Variants in CABP1 observed in about 807,000 individuals in gnomAD.
CABP1 encodes the protein calcium-binding protein 1.
CABP1 carries 17 observed loss-of-function variants against 34.3 expected under a neutral mutation model. That is an observed-to-expected ratio of 0.50 (90% CI 0.34 to 0.74). CABP1 has a LOEUF of 0.74. Among genes scored for constraint, CABP1 ranks in the 30% least tolerant of loss-of-function variants. CABP1 has a pLI of 0.01. For synonymous variants in CABP1, 198 were observed against 229.2 expected, an observed-to-expected ratio of 0.86 and a Z score of 1.23; for missense variants, 373 against 511.1, an observed-to-expected ratio of 0.73 and a Z score of 2.61.
chr12:120,666,870 T>C lies in CABP1; in HGVS notation c.1088-5T>C, dbSNP rs772893852. The C allele has an allele frequency of 3.6e-5, 58 of 1,605,748 alleles. No individual in the cohort carries two copies. Among genetic ancestry groups the C allele is most frequent in the Non-Finnish European group, 4.6e-5 (54 of 1,178,528 alleles). ...TGCTCCCCAGCTGCTCCTCTACCCTTCTAGAGTTTGTCCGGATGATGTCCC... is the reference window on the plus strand; with the variant it reads ...TGCTCCCCAGCTGCTCCTCTACCCTCCTAGAGTTTGTCCGGATGATGTCCC... On this transcript the variant is annotated splice_region_variant and splice_polypyrimidine_tract_variant and intron_variant, in intron 5 of 5. Transcript: ENST00000316803.
Position 120,661,449 on chromosome 12 carries a change from C to T in CABP1, c.1087+231C>T, listed in dbSNP as rs934654520. Reference sequence around the variant, plus strand: ...TCTATCCATCCTCTACCTTTCCATTCATCTGTCCATTTATCCATCCATTCA... The same window carrying T: ...TCTATCCATCCTCTACCTTTCCATTTATCTGTCCATTTATCCATCCATTCA... On this transcript the variant is annotated intron_variant, in intron 5 of 5. Transcript: ENST00000316803. This position sits in a 1 kb window ranked among gnomAD's most constrained non-coding sequence, Gnocchi z 5.1. 4.0e-6 allele frequency: 2 copies of T among 505,008 alleles called. No homozygotes were observed. Among genetic ancestry groups the T allele is most frequent in the Non-Finnish European group, 7.0e-6 (2 of 284,052 alleles). 31.3% of individuals were successfully genotyped at this position (505,008 alleles called of 1,614,324 possible). A position where few individuals can be genotyped will look rare whatever the true frequency, so the allele number is the denominator to read the frequency against.
the CABP1 span, among the ~76,000 whole-genome samples, chr12:120,679,674 A>G: frequency 6.6e-6 from 1 of 151,972 alleles, no homozygotes; most frequent in African/African-American, 2.4e-5. Flanking sequence ...CTAAAAATAC[A>G]AAATTACCTG....
intron 1 of CABP1, among the ~76,000 whole-genome samples, chr12:120,656,834 G>T (rs187208551): frequency 1.9e-4 from 29 of 152,322 alleles, no homozygotes; most frequent in Admixed American, 1.0e-3. Context: ...GGCAGAGGTT[G>T]CAGTGAGCCA....
At chr12:120,654,061 G>A (rs1338110884) in intron 1 of CABP1, among the ~76,000 whole-genome samples, 2 of 152,130 alleles carry the variant, frequency 1.3e-5, no homozygotes, top group Non-Finnish European at 2.9e-5. Context: ...GTCTTGCCTC[G>A]CTCTAGTCTA....
intron 1 of CABP1, among the ~76,000 whole-genome samples, chr12:120,651,827 C>T (rs1879865120): frequency 6.6e-6 from 1 of 152,178 alleles, no homozygotes; most frequent in Admixed American, 6.5e-5. Flanking sequence ...ATGCACGCCT[C>T]CCCCATAATC....
At chr12:120,643,781 T>C (rs947762339) in intron 1 of CABP1, among the ~76,000 whole-genome samples, 2 of 152,122 alleles carry the variant, frequency 1.3e-5, no homozygotes, top group African/African-American at 4.8e-5. Context: ...GCTTGGGAGA[T>C]TAAATGAGAT....
intron 1 of CABP1, chr12:120,655,770 T>C (rs1344232096): frequency 1.4e-5 from 21 of 1,485,002 alleles, no homozygotes; most frequent in Non-Finnish European, 1.8e-5. Context: ...CCGCTGCCCC[T>C]GTCTCTTCAT....
At chr12:120,659,667 G>C (rs1172241495) in intron 1 of CABP1, 3 of 508,194 alleles carry the variant, frequency 5.9e-6, no homozygotes, top group Admixed American at 3.7e-5. Flanking sequence ...TGGCTTCTTG[G>C]GCATCTCCTG....
At position 120,641,072 on chromosome 12, in the gene CABP1, G is replaced by C; in HGVS notation, c.387G>C (p.Glu129Asp). ...TGTGCCGGCCGGCGCCGCGAGAGGA[G>C]GGCGCGCGGGGGAGCCAGCGTGTGC... ...RPLCRPAPRE[E>D]GARGSQRVLP... is the part of the protein sequence containing the mutation. Residue 129 changes from glutamate to aspartate, a missense_variant, in exon 1 of 6, where the codon GAG (glutamate) becomes GAC (aspartate). This residue lies in a region of CABP1 where 9 missense variants were observed against 35.5 expected (regional missense o/e 0.25). Coordinates refer to ENST00000316803, the MANE Select transcript of CABP1 (RefSeq NM_001033677.2). This position sits in a 1 kb window ranked among gnomAD's most constrained non-coding sequence, Gnocchi z 6.7. The C allele has an allele frequency of 1.7e-6, 2 of 1,193,078 alleles. No individual in the cohort carries two copies. The highest frequency in any genetic ancestry group is 2.1e-6 in the Non-Finnish European group (2 of 963,188). 73.9% of individuals were successfully genotyped at this position (1,193,078 alleles called of 1,614,324 possible).
At chr12:120,671,357 C>T (rs1373776529), downstream of CABP1, among the ~76,000 whole-genome samples, 1 of 152,242 alleles carries the variant, frequency 6.6e-6, no homozygotes. Context: ...GAGATTGCGC[C>T]ACTGCACTCC....
intron 1 of CABP1, among the ~76,000 whole-genome samples, chr12:120,654,676 GGCCGAAGGCAGA>G (rs1880058272): frequency 6.6e-6 from 1 of 151,842 alleles, no homozygotes; most frequent in African/African-American, 2.4e-5. Flanking sequence ...GCAGAGTGCA[GGCCGAAGGCAGA>G]GTGCAGGCCG....
In CABP1 at chr12:120,640,682, T is replaced by A; in HGVS notation, c.-4T>A. 6 of 1,110,410 alleles carry A rather than the reference T, an allele frequency of 5.4e-6. No individual in the cohort carries two copies. The highest frequency in any genetic ancestry group is 6.6e-6 in the Non-Finnish European group (6 of 912,284). The allele number at this position is 1,110,410 out of a possible 1,614,324, so 68.8% of individuals were successfully genotyped here. ...GGCTCCGGGCGTAGAGGCTGCGCTG[T>A]CACATGGGCGGCGGCGACGGGGCCG... On this transcript the variant is annotated 5_prime_UTR_variant, in exon 1 of 6. Coordinates refer to ENST00000316803, the MANE Select transcript of CABP1 (RefSeq NM_001033677.2). The surrounding 1 kb of genome is among the most constrained non-coding windows in gnomAD (Gnocchi z 6.2).
At position 120,660,253 on chromosome 12, in the gene CABP1, G is replaced by A. The variant is rs1593167817; in HGVS notation, c.743G>A (p.Arg248Gln). 1.2e-6 allele frequency: 2 copies of A among 1,614,052 alleles called. No individual in the cohort carries two copies. The highest frequency in any genetic ancestry group is 1.1e-5 in the South Asian group (1 of 91,066). Residue 248 changes from arginine (R) to glutamine (Q), a missense_variant, in exon 3 of 6, where the codon CGG becomes CAG. Physicochemically the swap from Arg to Gln is conservative, Grantham distance 43 (BLOSUM62 1). Coordinates refer to ENST00000316803, the MANE Select transcript of CABP1 (RefSeq NM_001033677.2). The surrounding 1 kb of genome is among the most constrained non-coding windows in gnomAD (Gnocchi z 5.0). Reference protein sequence around the residue: ...DKDKDGYINCRDLGNCMRTMG... With the variant: ...DKDKDGYINCQDLGNCMRTMG... ...GACAAGGATGGCTACATCAACTGCC[G>A]GGATCTGGGCAACTGCATGCGCACC... is the stretch of plus-strand genomic sequence containing the variant.
At chr12:120,648,879 T>TA (rs1049534093) in intron 1 of CABP1, among the ~76,000 whole-genome samples, 23,492 of 123,120 alleles carry the variant, frequency 0.19, 2,135 homozygotes, top group African/African-American at 0.26. Context: ...AGACACTGTC[T>TA]AAAAAAAAAA....
Position 120,640,903 on chromosome 12 carries a change from AGGC to A in CABP1, c.235_237del (p.Ala79del), listed in dbSNP as rs945763849. On this transcript the variant is annotated inframe_deletion, in exon 1 of 6. Coordinates refer to ENST00000316803, the MANE Select transcript of CABP1 (RefSeq NM_001033677.2). This position sits in a 1 kb window ranked among gnomAD's most constrained non-coding sequence, Gnocchi z 6.2. Reference sequence around the variant, plus strand: ...AGCGAGTCCAAGACGTCGCTGCTGAAGGCGGCGGCGGCGGCGGCGAGCGGGGGC... The same window carrying A: ...AGCGAGTCCAAGACGTCGCTGCTGAAGGCGGCGGCGGCGGCGAGCGGGGGC... 166 of 1,096,852 alleles carry A rather than the reference AGGC, an allele frequency of 1.5e-4. No individual in the cohort carries two copies. The highest frequency in any genetic ancestry group is 7.1e-4 in the East Asian group (13 of 18,228). The allele number at this position is 1,096,852 out of a possible 1,614,324, so 67.9% of individuals were successfully genotyped here.
At position 120,640,940 on chromosome 12, in the gene CABP1, TC is replaced by T; in HGVS notation, c.259del (p.Arg87AlafsTer189). The T allele has an allele frequency of 8.8e-7, 1 of 1,130,678 alleles. No individual in the cohort carries two copies. The highest frequency in any genetic ancestry group is 1.1e-6 in the Non-Finnish European group (1 of 923,962). The allele number at this position is 1,130,678 out of a possible 1,614,324, so 70.0% of individuals were successfully genotyped here. A position where few individuals can be genotyped will look rare whatever the true frequency, so the allele number is the denominator to read the frequency against. ...AAAASGGSRA[P>X]RHGPARDPGL... ...CGGCGGCGAGCGGGGGCAGCCGGGC[TC>T]CCCGCCACGGCCCTGCCCGGGACCC... On this transcript the variant is annotated frameshift_variant, in exon 1 of 6. Coordinates refer to ENST00000316803, the MANE Select transcript of CABP1 (RefSeq NM_001033677.2). LOFTEE classifies it high-confidence loss of function. The surrounding 1 kb of genome is among the most constrained non-coding windows in gnomAD (Gnocchi z 6.2).
chr12:120,677,419 CAG>C, the CABP1 span, among the ~76,000 whole-genome samples: 1 of 77,108 alleles, frequency 1.3e-5, no homozygotes, highest in African/African-American at 5.6e-5. Flanking sequence ...TTTTTTGAGA[CAG>C]AGTCTCACTC....
chr12:120,676,080 A>G, the CABP1 span, among the ~76,000 whole-genome samples: 1 of 152,220 alleles, frequency 6.6e-6, no homozygotes, highest in African/African-American at 2.4e-5. Flanking sequence ...CCATCTCAAA[A>G]AATAAAAAAC....
At chr12:120,665,703 A>T (rs74803743) in intron 5 of CABP1, among the ~76,000 whole-genome samples, 9 of 150,476 alleles carry the variant, frequency 6.0e-5, no homozygotes, top group Admixed American at 5.9e-4. Flanking sequence ...CCGTTTTGCC[A>T]TAAACCTAAA....
Sources: allele counts gnomAD v4.1 joint callset (sites outside exome capture counted in the v4.1 genomes callset), GRCh38; gene constraint gnomAD v4.1.1; regional missense constraint gnomAD v4.1.1; non-coding constraint Gnocchi (gnomAD v3.1); transcripts MANE v1.5; gene names NCBI Gene and HGNC (gene_info 2026-07-23, HGNC 2026-07-21).